The following UPF2 variants were observed in gnomAD, a reference collection of about 807,000 sequenced individuals.
The protein encoded by UPF2 is UPF2 regulator of nonsense mediated mRNA decay.
A neutral mutation model predicts 141.4 loss-of-function variants in UPF2; 17 were observed. That is an observed-to-expected ratio of 0.12 (90% CI 0.08 to 0.18). The LOEUF (loss-of-function observed/expected upper bound fraction) is 0.18, where lower values mean the gene tolerates loss of function less well. UPF2 is among the 10% of genes least tolerant of loss of function. UPF2 has a pLI of 1.00. For missense variants in UPF2, 1,152 were observed against 1,515.9 expected, an observed-to-expected ratio of 0.76 and a Z score of 3.99; for synonymous variants, 540 against 498.0, an observed-to-expected ratio of 1.08 and a Z score of -1.12.
In UPF2 at chr10:12,003,651, C is replaced by T. The variant is rs116035991; in HGVS notation, c.1504+879G>A. Among the ~76,000 whole-genome samples the T allele has an allele frequency of 6.3e-3, 959 of 152,214 alleles. 10 individuals are homozygous for T. Among genetic ancestry groups the T allele is most frequent in the African/African-American group, 0.021 (886 of 41,546 alleles). On this transcript the variant is annotated intron_variant, in intron 5 of 21. Coordinates refer to ENST00000357604, the MANE Select transcript of UPF2 (RefSeq NM_015542.4). ...AACGTTTAGGAATGCATAGGCTGAG[C>T]GCGGTGGCTCACGCCTGTAATCCCA...
chr10:11,981,341 T>C (rs942736176), intron 8 of UPF2, among the ~76,000 whole-genome samples: 6 of 152,184 alleles, frequency 3.9e-5, no homozygotes, highest in African/African-American at 1.2e-4. Context: ...GCCTCTTACA[T>C]ATATAACTCA....
chr10:12,000,084 T>C, intron 6 of UPF2, 75 bp from the exon 7 acceptor site: 1 of 1,282,192 alleles, frequency 7.8e-7, no homozygotes, highest in Non-Finnish European at 1.1e-6. Context: ...TGATGAATTA[T>C]TTGGAAAATA....
chr10:11,932,125 G>A (rs1832789399), intron 19 of UPF2, among the ~76,000 whole-genome samples: 1 of 151,652 alleles, frequency 6.6e-6, no homozygotes, highest in African/African-American at 2.4e-5. Context: ...CTCCAGCCTG[G>A]GCAAAAGAGC....
chr10:11,964,036 T>G lies in UPF2; in HGVS notation c.2157A>C (p.Glu719Asp). 6.2e-7 allele frequency: 1 copy of G among 1,613,900 alleles called. No individual in the cohort carries two copies. The highest frequency in any genetic ancestry group is 8.5e-7 in the Non-Finnish European group (1 of 1,179,844). The change falls in exon 11 of 22, where the codon GAA (glutamate) becomes GAC (aspartate). Residue 719 changes from glutamate (E) to aspartate (D), a missense_variant. By Grantham distance (45) the Glu-to-Asp change is conservative. Coordinates refer to ENST00000357604, the MANE Select transcript of UPF2 (RefSeq NM_015542.4). ...TCGRFLFRSP[E>D]SHLRTSVLLE... ...AAAGTACACTGGTCCTCAGGTGAGA[T>G]TCTGGAGATCTGAAAAGAAACCGTC...
rs560551835 is a variant in UPF2 at position 11,980,631 on chromosome 10, A to G, written c.1845-1466T>C. On this transcript the variant is annotated intron_variant, in intron 8 of 21. Transcript: ENST00000357604. This position sits in a 1 kb window ranked among gnomAD's most constrained non-coding sequence, Gnocchi z 4.2. Reference sequence around the variant, plus strand: ...GCCTGCAATCCCAGCTACTCGGGAGACTGAGGCAGGAGAATCACTTGAACC... The same window carrying G: ...GCCTGCAATCCCAGCTACTCGGGAGGCTGAGGCAGGAGAATCACTTGAACC... 6.6e-6 allele frequency among the ~76,000 whole-genome samples: 1 copy of G among 151,220 alleles called. No individual in the cohort carries two copies. The highest frequency in any genetic ancestry group is 2.1e-4 in the South Asian group (1 of 4,756).
chr10:12,013,583 T>G (rs975723223), intron 4 of UPF2, among the ~76,000 whole-genome samples: 3 of 151,866 alleles, frequency 2.0e-5, no homozygotes, highest in African/African-American at 7.3e-5. Flanking sequence ...ACCCTTAAGA[T>G]TTCTAAGTAA....
chr10:12,018,586 C>CA (rs111647918), intron 3 of UPF2, among the ~76,000 whole-genome samples: 72 of 144,570 alleles, frequency 5.0e-4, no homozygotes, highest in Middle Eastern at 3.4e-3. Context: ...ATCTCAAAAA[C>CA]AAAAAAAAAA....
At chr10:11,937,661 G>C (rs1453018776) in intron 18 of UPF2, among the ~76,000 whole-genome samples, 3 of 152,104 alleles carry the variant, frequency 2.0e-5, no homozygotes, top group Non-Finnish European at 4.4e-5. Flanking sequence ...CAGCAAAGAG[G>C]GACGAGCTGA....
intron 9 of UPF2, among the ~76,000 whole-genome samples, chr10:11,976,166 C>T (rs2131222208): frequency 6.6e-6 from 1 of 152,304 alleles, no homozygotes; most frequent in South Asian, 2.1e-4. Context: ...TCCTTAACTG[C>T]CAGTGACATT....
chr10:11,952,351 C>A, intron 14 of UPF2, 102 bp from the exon 15 acceptor site: 1 of 1,073,716 alleles, frequency 9.3e-7, no homozygotes. Flanking sequence ...AACTACTAAG[C>A]TGAAAGGTTA....
At chr10:11,995,423 G>A (rs1833850047) in intron 8 of UPF2, among the ~76,000 whole-genome samples, 1 of 152,168 alleles carries the variant, frequency 6.6e-6, no homozygotes, top group Non-Finnish European at 1.5e-5. Flanking sequence ...GCTATGTGCT[G>A]GGTATAAAGC....
At chr10:12,013,997 ATGTT>A in intron 4 of UPF2, 23 bp downstream of exon 4, 1 of 1,488,056 alleles carries the variant, frequency 6.7e-7, no homozygotes, top group East Asian at 2.5e-5. Flanking sequence ...AGAAAACACA[ATGTT>A]TGTTTTTAAG....
chr10:12,026,672 C>T (rs752908340), intron 3 of UPF2: 6 of 418,988 alleles, frequency 1.4e-5, no homozygotes, highest in African/African-American at 4.8e-5. Flanking sequence ...TTTTTTAGGA[C>T]GAAGTCTCGC....
rs926734204 is a variant in UPF2 at position 11,931,888 on chromosome 10, C to T, written c.3547-106G>A. 5.6e-5 allele frequency: 71 copies of T among 1,264,098 alleles called. No individual in the cohort carries two copies. The highest frequency in any genetic ancestry group is 7.2e-5 in the Non-Finnish European group (67 of 930,512). The allele number at this position is 1,264,098 out of a possible 1,614,324, so 78.3% of individuals were successfully genotyped here. A position where few individuals can be genotyped will look rare whatever the true frequency, so the allele number is the denominator to read the frequency against. On this transcript the variant is annotated intron_variant, in intron 19 of 21. Coordinates refer to ENST00000357604, the MANE Select transcript of UPF2 (RefSeq NM_015542.4). The surrounding 1 kb of genome is among the most constrained non-coding windows in gnomAD (Gnocchi z 5.9). ...AGTACAGGCTGGGCACGGTGGCTCA[C>T]GCCTGTAATCCCAGCACTTTGGGAG... is the stretch of plus-strand genomic sequence containing the variant.
intron 8 of UPF2, among the ~76,000 whole-genome samples, chr10:11,991,983 T>C (rs1833788238): frequency 7.3e-6 from 1 of 136,596 alleles, no homozygotes. Context: ...CTGTCTCTAC[T>C]AAAAATACAA....
chr10:11,937,692 G>A (rs1316472540), intron 18 of UPF2, among the ~76,000 whole-genome samples: 1 of 152,116 alleles, frequency 6.6e-6, no homozygotes, highest in Admixed American at 6.5e-5. Flanking sequence ...AAGGTAGGCA[G>A]GTCATGCTGA....
rs1833212994 is a variant in UPF2 at position 11,959,885 on chromosome 10, C to T, written c.2185-529G>A. ...TTATCATTTTTAGAACATACTAGCC[C>T]GTGCCTACTTAGCCTTACGTTTCAT... On this transcript the variant is annotated intron_variant, in intron 11 of 21. Transcript: ENST00000357604. This position sits in a 1 kb window ranked among gnomAD's most constrained non-coding sequence, Gnocchi z 5.9. 1.3e-5 allele frequency among the ~76,000 whole-genome samples: 2 copies of T among 152,196 alleles called. No individual in the cohort carries two copies. The highest frequency in any genetic ancestry group is 1.9e-4 in the East Asian group (1 of 5,206).
intron 9 of UPF2, among the ~76,000 whole-genome samples, chr10:11,970,545 C>T (rs550321263): frequency 6.6e-6 from 1 of 152,246 alleles, no homozygotes; most frequent in South Asian, 2.1e-4. Context: ...GGCATGGTGG[C>T]TCACACTTGT....
At chr10:12,010,622 T>C (rs1276905046) in intron 4 of UPF2, among the ~76,000 whole-genome samples, 1 of 152,098 alleles carries the variant, frequency 6.6e-6, no homozygotes, top group Non-Finnish European at 1.5e-5. Context: ...ATACTTGTAA[T>C]TGAGTCCCTA....
Sources: gnomAD v4.1 joint callset for allele counts (sites outside exome capture counted in the v4.1 genomes callset) on GRCh38, gnomAD v4.1.1 for gene constraint, Gnocchi (gnomAD v3.1) non-coding constraint, MANE v1.5 for transcripts, NCBI Gene and HGNC (gene_info 2026-07-23, HGNC 2026-07-21) for gene names.